The following ADK variants were observed in gnomAD, a reference collection of about 807,000 sequenced individuals.
ADK encodes N6,N6-dimethyladenosine kinase.
In ADK, 24 loss-of-function variants were observed where a neutral mutation model predicts 44.7. The ratio of observed to expected loss-of-function variants is 0.54; its 90% confidence interval spans 0.39 to 0.76. The LOEUF (loss-of-function observed/expected upper bound fraction) is 0.76. Ranked by LOEUF, ADK falls within the 30% of genes least tolerant of loss-of-function variation. The pLI is 0.00. For synonymous variants in ADK, 128 were observed against 142.6 expected (o/e 0.90, Z 0.73); for missense variants, 321 against 425.1 (o/e 0.76, Z 2.15).
At chr10:74,576,482 A>G (rs566531698) in intron 7 of ADK, among the ~76,000 whole-genome samples, 2 of 152,338 alleles carry the variant, frequency 1.3e-5, no homozygotes, top group South Asian at 2.1e-4. Flanking sequence ...TTAATACTCA[A>G]TTTATATCTT....
At chr10:74,166,230 A>T (rs1388995001) in intron 1 of ADK, among the ~76,000 whole-genome samples, 1 of 152,196 alleles carries the variant, frequency 6.6e-6, no homozygotes, top group African/African-American at 2.4e-5. Context: ...GTGAGCCACC[A>T]TGCCCGGCCA....
intron 9 of ADK, chr10:74,655,368 A>G (rs571240470): frequency 1.2e-5 from 5 of 412,134 alleles, no homozygotes; most frequent in African/African-American, 8.4e-5. Context: ...CATATCGTCC[A>G]CATCAAAAAA....
At chr10:74,248,225 A>G (rs765132720) in intron 3 of ADK, among the ~76,000 whole-genome samples, 1 of 152,256 alleles carries the variant, frequency 6.6e-6, no homozygotes, top group Non-Finnish European at 1.5e-5. Context: ...AAATACAAAA[A>G]TAGAATCAGC....
intron 4 of ADK, among the ~76,000 whole-genome samples, chr10:74,361,386 G>C (rs1023982776): frequency 2.0e-5 from 3 of 151,494 alleles, no homozygotes; most frequent in Non-Finnish European, 4.4e-5. Context: ...TTAATTTATT[G>C]CTTTTTATCC....
intron 10 of ADK, among the ~76,000 whole-genome samples, chr10:74,672,693 A>G (rs1205034377): frequency 6.6e-6 from 1 of 152,196 alleles, no homozygotes. Flanking sequence ...ACATTCTGTC[A>G]AATGTGAATC....
At chr10:74,452,276 T>G (rs1279271854) in intron 6 of ADK, among the ~76,000 whole-genome samples, 2 of 152,016 alleles carry the variant, frequency 1.3e-5, no homozygotes, top group Non-Finnish European at 1.5e-5. Flanking sequence ...AGGCATTTAT[T>G]CTACTCACCT....
In ADK at chr10:74,582,328, T is replaced by A. The variant is rs1030941461; in HGVS notation, c.727-6954T>A. Among the ~76,000 whole-genome samples, 209 of 151,810 alleles carry A rather than the reference T, an allele frequency of 1.4e-3. 1 individual carries two copies. Among genetic ancestry groups the A allele is most frequent in the African/African-American group, 4.5e-3 (188 of 41,388 alleles). ...CCAATCTCAAAAAAAAAATAAAAAA[T>A]AAAAATGGAAATAAAATTCCCAATA... On this transcript the variant is annotated intron_variant, in intron 7 of 10. Transcript: ENST00000539909.
chr10:74,437,730 G>A (rs138625196), intron 6 of ADK, among the ~76,000 whole-genome samples: 1 of 152,192 alleles, frequency 6.6e-6, no homozygotes, highest in Non-Finnish European at 1.5e-5. Context: ...ATGCAAACCA[G>A]CATAAAACAT....
At chr10:74,345,453 G>C (rs939044973) in intron 4 of ADK, among the ~76,000 whole-genome samples, 3 of 152,022 alleles carry the variant, frequency 2.0e-5, no homozygotes, top group Non-Finnish European at 2.9e-5. Flanking sequence ...GATTACAGGT[G>C]CATACCATCA....
At chr10:74,273,851 A>G (rs573029473) in intron 3 of ADK, among the ~76,000 whole-genome samples, 4 of 152,330 alleles carry the variant, frequency 2.6e-5, no homozygotes, top group South Asian at 4.1e-4. Flanking sequence ...CCAGCTTGCA[A>G]CAGGCAGGCG....
rs770411775 is a variant in ADK at position 74,339,079 on chromosome 10, A to C, written c.273+24334A>C. Among the ~76,000 whole-genome samples the C allele has an allele frequency of 3.1e-3, 479 of 152,244 alleles. 1 individual carries two copies. The highest frequency in any genetic ancestry group is 4.8e-3 in the Non-Finnish European group (324 of 68,022). On this transcript the variant is annotated intron_variant, in intron 4 of 10. Transcript: ENST00000539909. ...GGGATTCTCCTGCTTCCAGCCTCCC[A>C]GGTAGCTAGGACTATAGGTGCATGC...
intron 7 of ADK, among the ~76,000 whole-genome samples, chr10:74,581,278 TAAAA>T (rs1177182432): frequency 6.6e-6 from 1 of 151,822 alleles, no homozygotes; most frequent in African/African-American, 2.4e-5. Context: ...TTTCTAGAAA[TAAAA>T]AATACCATGT....
intron 1 of ADK, among the ~76,000 whole-genome samples, chr10:74,181,608 A>G (rs548903501): frequency 6.6e-6 from 1 of 152,292 alleles, no homozygotes; most frequent in South Asian, 2.1e-4. Context: ...GGATCTTAGC[A>G]TTTTACTTTT....
rs1188962358 is a variant in ADK at position 74,525,140 on chromosome 10, G to A, written c.556-116G>A. The stretch of plus-strand genomic sequence containing the variant: ...GTCAAATGTTGCTATTTTCTGCCTT[G>A]CATCTTATAATTGTATTTTATATAC... On this transcript the variant is annotated intron_variant, in intron 6 of 10. Transcript: ENST00000539909. The A allele has an allele frequency of 1.2e-5, 12 of 1,028,914 alleles. No individual in the cohort carries two copies. The Admixed American group carries it at 1.9e-4, about 16-fold the overall frequency. 63.7% of individuals were successfully genotyped at this position (1,028,914 alleles called of 1,614,324 possible).
At chr10:74,534,182 A>G (rs1203943854) in intron 7 of ADK, among the ~76,000 whole-genome samples, 4 of 152,182 alleles carry the variant, frequency 2.6e-5, no homozygotes, top group East Asian at 1.9e-4. Context: ...ATGTGTTCCC[A>G]TTGAGGTTGT....
At chr10:74,700,622 CAA>C (rs112229161) in intron 10 of ADK, among the ~76,000 whole-genome samples, 5 of 119,636 alleles carry the variant, frequency 4.2e-5, no homozygotes. Flanking sequence ...TGTGTTAAAA[CAA>C]AAAAAAAAAG....
intron 7 of ADK, among the ~76,000 whole-genome samples, chr10:74,568,149 G>GGT (rs112567669): frequency 0.012 from 1,850 of 151,772 alleles, 43 homozygotes; most frequent in African/African-American, 0.042. Context: ...GGTGTTGCTG[G>GGT]GTGTGTGTGT....
intron 4 of ADK, among the ~76,000 whole-genome samples, chr10:74,351,931 G>GA (rs1280025009): frequency 6.6e-6 from 1 of 151,394 alleles, no homozygotes; most frequent in African/African-American, 2.4e-5. Context: ...CAAACAAATG[G>GA]AAAAAAAATT....
At position 74,428,360 on chromosome 10, in the gene ADK, G is replaced by A. The variant is rs1276675677; in HGVS notation, c.555+29781G>A. ...AGATGAACCTAGAACATGTTGTAAT[G>A]CCAAAAAGTAAGGAAATGCTAAAAA... On this transcript the variant is annotated intron_variant, in intron 6 of 10. Coordinates refer to ENST00000539909, the MANE Select transcript of ADK (RefSeq NM_006721.4). 2.0e-5 allele frequency among the ~76,000 whole-genome samples: 3 copies of A among 152,276 alleles called. No individual in the cohort carries two copies. In the East Asian group the frequency reaches 5.8e-4, roughly 29 times the overall value.
Sources: allele counts gnomAD v4.1 joint callset (sites outside exome capture counted in the v4.1 genomes callset), GRCh38; gene constraint gnomAD v4.1.1; transcripts MANE v1.5; gene names NCBI Gene and HGNC (gene_info 2026-07-23, HGNC 2026-07-21).